FAF1: variants seen among roughly 807,000 people sequenced by gnomAD.
FAF1 encodes the protein Fas associated factor 1.
A neutral mutation model predicts 92.5 loss-of-function variants in FAF1; 25 were observed. The ratio of observed to expected loss-of-function variants is 0.27; its 90% CI spans 0.20 to 0.38. The LOEUF (loss-of-function observed/expected upper bound fraction) is 0.38, where lower values mean the gene tolerates loss of function less well. Ranked by LOEUF, FAF1 falls within the 10% of genes least tolerant of loss-of-function variation. FAF1 has a pLI of 1.00. For missense variants in FAF1, 636 were observed against 793.3 expected (o/e 0.80, Z 2.38); for synonymous variants, 234 against 273.2 (o/e 0.86, Z 1.42).
Position 50,452,033 on chromosome 1 carries a change from GC to G in FAF1, c.1870-10511del, listed in dbSNP as rs1646299410. On this transcript the variant is annotated intron_variant, in intron 18 of 18. Coordinates refer to ENST00000396153, the MANE Select transcript of FAF1 (RefSeq NM_007051.3). The stretch of plus-strand genomic sequence containing the variant: ...TTAAATGACAATATAAGTGGGGAAG[GC>G]CCAGAGGGGATTCTATTAAGAATGG... 4 of 1,301,828 alleles carry G rather than the reference GC, an allele frequency of 3.1e-6. No homozygotes were observed. In the African/African-American group the frequency reaches 6.1e-5, roughly 20 times the overall value. 80.6% of individuals were successfully genotyped at this position (1,301,828 alleles called of 1,614,324 possible).
intron 5 of FAF1, among the ~76,000 whole-genome samples, chr1:50,743,653 C>T (rs1033420315): frequency 3.3e-5 from 5 of 152,040 alleles, no homozygotes; most frequent in African/African-American, 1.2e-4. Flanking sequence ...TAAGTTTATG[C>T]CTGGCCATTA....
intron 6 of FAF1, among the ~76,000 whole-genome samples, chr1:50,722,263 A>G (rs1487320029): frequency 6.6e-6 from 1 of 152,182 alleles, no homozygotes; most frequent in African/African-American, 2.4e-5. Context: ...CTTTATGTTG[A>G]GGACCACATT....
chr1:50,786,390 G>A (rs1267477019), intron 4 of FAF1, among the ~76,000 whole-genome samples: 1 of 152,114 alleles, frequency 6.6e-6, no homozygotes, highest in Non-Finnish European at 1.5e-5. Flanking sequence ...ACTTCTATGA[G>A]GTATTTATAG....
chr1:50,929,830 T>C (rs1390994052), intron 1 of FAF1, among the ~76,000 whole-genome samples: 1 of 152,244 alleles, frequency 6.6e-6, no homozygotes, highest in East Asian at 1.9e-4. Context: ...CTTAGCTTTT[T>C]TATAATTATT....
At chr1:50,746,707 C>T (rs565514011) in intron 4 of FAF1, among the ~76,000 whole-genome samples, 18 of 152,192 alleles carry the variant, frequency 1.2e-4, no homozygotes, top group East Asian at 9.7e-4. Flanking sequence ...GAAATTCAAG[C>T]GGGCTGCAGA....
chr1:50,798,232 A>G (rs2124587779), intron 3 of FAF1, among the ~76,000 whole-genome samples: 1 of 152,356 alleles, frequency 6.6e-6, no homozygotes, highest in Middle Eastern at 3.4e-3. Context: ...TGAAAGCCTA[A>G]TGGTCAAGGT....
chr1:50,838,092 C>T (rs998825766), intron 2 of FAF1, among the ~76,000 whole-genome samples: 3 of 152,006 alleles, frequency 2.0e-5, no homozygotes, highest in African/African-American at 7.2e-5. Context: ...GCACCTCTAT[C>T]ATCCCTTAAA....
At chr1:50,655,963 G>A (rs1216843240) in intron 7 of FAF1, among the ~76,000 whole-genome samples, 4 of 152,140 alleles carry the variant, frequency 2.6e-5, no homozygotes, top group African/African-American at 7.2e-5. Flanking sequence ...AAGGGCAAGG[G>A]GGGCAGGGGA....
At chr1:50,614,118 C>A (rs892701306) in intron 8 of FAF1, among the ~76,000 whole-genome samples, 1 of 151,516 alleles carries the variant, frequency 6.6e-6, no homozygotes, top group Admixed American at 6.6e-5. Flanking sequence ...AAAAAACACA[C>A]ACAAAAAAAC....
chr1:50,595,751 C>T (rs1651770466), intron 9 of FAF1, among the ~76,000 whole-genome samples: 1 of 152,018 alleles, frequency 6.6e-6, no homozygotes, highest in South Asian at 2.1e-4. Context: ...CTATGTTGGC[C>T]AGGCTGGTCT....
chr1:50,652,471 T>A (rs529473412), intron 8 of FAF1, among the ~76,000 whole-genome samples: 25 of 152,228 alleles, frequency 1.6e-4, no homozygotes, highest in Non-Finnish European at 3.1e-4. Context: ...AATTTCAGTC[T>A]GGTTTCTACA....
intron 6 of FAF1, among the ~76,000 whole-genome samples, chr1:50,713,564 G>A (rs1277163124): frequency 6.6e-6 from 1 of 151,920 alleles, no homozygotes; most frequent in African/African-American, 2.4e-5. Context: ...ATGAGCCATC[G>A]CGTCCGGCCA....
rs771269779 is a variant in FAF1 at position 50,567,166 on chromosome 1, T to C, written c.1179A>G (p.Gln393=). Residue 393 remains glutamine (Q), a synonymous_variant, in exon 13 of 19, where the codon CAA becomes CAG. Coordinates refer to ENST00000396153, the MANE Select transcript of FAF1 (RefSeq NM_007051.3). ...ESVLTNVFCS[Q]MLCAESIVSY... ...AAACAATGGATTCAGCACAAAGCAT[T>C]TGTGAGCAGAACACGTTGGTTAACA... is the stretch of plus-strand genomic sequence containing the variant. The C allele has an allele frequency of 1.2e-5, 19 of 1,610,954 alleles. No individual in the cohort carries two copies. Among genetic ancestry groups the C allele is most frequent in the African/African-American group, 2.7e-5 (2 of 74,848 alleles).
At chr1:50,596,371 T>C (rs1219188616) in intron 8 of FAF1, among the ~76,000 whole-genome samples, 155 bp from the exon 9 acceptor site, 1 of 152,202 alleles carries the variant, frequency 6.6e-6, no homozygotes, top group Non-Finnish European at 1.5e-5. Flanking sequence ...CTTTGAAAAT[T>C]TGAAATTTTT....
chr1:50,492,690 A>G (rs1646853730), intron 15 of FAF1, among the ~76,000 whole-genome samples: 1 of 152,210 alleles, frequency 6.6e-6, no homozygotes, highest in Non-Finnish European at 1.5e-5. Flanking sequence ...TTTGTGACCT[A>G]TAAAACTGGA....
chr1:50,574,098 C>A (rs1057318017), intron 12 of FAF1, among the ~76,000 whole-genome samples: 1 of 152,146 alleles, frequency 6.6e-6, no homozygotes, highest in Non-Finnish European at 1.5e-5. Context: ...TACACTCCAT[C>A]CTGGGCAACG....
chr1:50,770,230 T>C (rs1412914323), intron 4 of FAF1, among the ~76,000 whole-genome samples: 4 of 152,102 alleles, frequency 2.6e-5, no homozygotes, highest in Non-Finnish European at 2.9e-5. Flanking sequence ...CTATTCAACA[T>C]ATACAGCACT....
At chr1:50,463,456 C>G (rs1478833658) in intron 18 of FAF1, among the ~76,000 whole-genome samples, 5 of 152,060 alleles carry the variant, frequency 3.3e-5, no homozygotes, top group African/African-American at 1.2e-4. Flanking sequence ...TCTTGGGGAC[C>G]CCCAACACAT....
chr1:50,662,004 C>T (rs1304933781), intron 7 of FAF1, among the ~76,000 whole-genome samples: 1 of 152,174 alleles, frequency 6.6e-6, no homozygotes, highest in Non-Finnish European at 1.5e-5. Flanking sequence ...GAGAAGGTGG[C>T]ATCAGTAATC....
Sources: gnomAD v4.1 joint callset for allele counts (sites outside exome capture counted in the v4.1 genomes callset) on GRCh38, gnomAD v4.1.1 for gene constraint, MANE v1.5 for transcripts, NCBI Gene and HGNC (gene_info 2026-07-23, HGNC 2026-07-21) for gene names.